The following PCDHGA5 variants were observed in gnomAD, a reference collection of about 807,000 sequenced individuals.
The protein encoded by PCDHGA5 is protocadherin gamma subfamily A, 5.
PCDHGA5 carries 36 observed loss-of-function variants against 56.7 expected under a neutral mutation model. The observed-to-expected ratio is 0.64, with a 90% CI of 0.49 to 0.84. PCDHGA5 has a LOEUF of 0.84. Among genes scored for constraint, PCDHGA5 ranks in the 40% least tolerant of loss-of-function variants. PCDHGA5 has a pLI of 0.00. For missense variants in PCDHGA5, 1,305 were observed against 1,201.5 expected, an observed-to-expected ratio of 1.09 and a Z score of -1.27; for synonymous variants, 563 against 520.2, an observed-to-expected ratio of 1.08 and a Z score of -1.12.
At position 141,364,466 on chromosome 5, in the gene PCDHGA5, G is replaced by C. The variant is rs1391136210; in HGVS notation, c.136G>C (p.Gly46Arg). The change falls in exon 1 of 4, where the codon GGC (glycine) becomes CGC (arginine). Residue 46 changes from glycine (G) to arginine (R), a missense_variant. Transcript: ENST00000518069. ...GGAGCTGGACAAAGGCTCCTTCGTC[G>C]GCAACATAGCCAAGGACCTTGGGCT... ...PEELDKGSFV[G>R]NIAKDLGLEP... 2 of 1,613,872 alleles carry C rather than the reference G, an allele frequency of 1.2e-6. No individual in the cohort carries two copies. Among genetic ancestry groups the C allele is most frequent in the Non-Finnish European group, 8.5e-7 (1 of 1,179,886 alleles).
chr5:141,375,015 A>C, intron 1 of PCDHGA5: 2 of 1,613,916 alleles, frequency 1.2e-6, no homozygotes. Context: ...GACTATGAGG[A>C]CTCGAGTTTT....
Position 141,490,972 on chromosome 5 carries a change from C to G in PCDHGA5, c.2422-3835C>G. 6.2e-7 allele frequency: 1 copy of G among 1,613,912 alleles called. No homozygotes were observed. Among genetic ancestry groups the G allele is most frequent in the Non-Finnish European group, 8.5e-7 (1 of 1,179,922 alleles). Reference sequence around the variant, plus strand: ...AGACTGGGAACACTCAGCCCCCCAGCGTCTCCCTCGCTCTGCTCCTCCTGG... The same window carrying G: ...AGACTGGGAACACTCAGCCCCCCAGGGTCTCCCTCGCTCTGCTCCTCCTGG... On this transcript the variant is annotated intron_variant, in intron 1 of 3. Coordinates refer to ENST00000518069, the MANE Select transcript of PCDHGA5 (RefSeq NM_018918.3). The surrounding 1 kb of genome is among the most constrained non-coding windows in gnomAD (Gnocchi z 5.4).
At chr5:141,375,657 TGA>T in intron 1 of PCDHGA5, 1 of 1,614,192 alleles carries the variant, frequency 6.2e-7, no homozygotes, top group Non-Finnish European at 8.5e-7. Flanking sequence ...TATGAGCAGT[TGA>T]GAGACCTACA....
At chr5:141,394,379 T>C in intron 1 of PCDHGA5, 1 of 1,614,160 alleles carries the variant, frequency 6.2e-7, no homozygotes, top group Non-Finnish European at 8.5e-7. Context: ...CTTTCGACTA[T>C]GAGCAGATCC....
chr5:141,478,164 C>G lies in PCDHGA5; in HGVS notation c.2422-16643C>G, dbSNP rs202185809. On this transcript the variant is annotated intron_variant, in intron 1 of 3. Transcript: ENST00000518069. Reference sequence around the variant, plus strand: ...GCCGAGTTCCCCTCTGGCTCTGCCCCCCGGGAGCAGAAAAAAAATCTCACC... The same window carrying G: ...GCCGAGTTCCCCTCTGGCTCTGCCCGCCGGGAGCAGAAAAAAAATCTCACC... The G allele has an allele frequency of 1.0e-4, 167 of 1,613,890 alleles. No homozygotes were observed. Among genetic ancestry groups the G allele is most frequent in the Non-Finnish European group, 1.3e-4 (157 of 1,180,048 alleles).
intron 1 of PCDHGA5, chr5:141,411,396 C>G (rs985023346): frequency 2.1e-5 from 3 of 145,420 alleles, no homozygotes; most frequent in African/African-American, 5.1e-5. Context: ...ATAGGGAGAC[C>G]CCCCATCTCT....
chr5:141,427,975 C>T lies in PCDHGA5; in HGVS notation c.2421+61224C>T, dbSNP rs757718263. ...AATGTGCCGCGGGTGCTGTACCCCGCGCTGGGGCCCGATGGCTCCGCACTC... is the reference window on the plus strand; with the variant it reads ...AATGTGCCGCGGGTGCTGTACCCCGTGCTGGGGCCCGATGGCTCCGCACTC... On this transcript the variant is annotated intron_variant, in intron 1 of 3. Transcript: ENST00000518069. The T allele has an allele frequency of 1.9e-6, 3 of 1,594,600 alleles. No individual in the cohort carries two copies. In the South Asian group the frequency reaches 3.3e-5, roughly 18 times the overall value.
chr5:141,399,540 C>A (rs775910113), intron 1 of PCDHGA5: 2 of 1,613,934 alleles, frequency 1.2e-6, no homozygotes, highest in Non-Finnish European at 1.7e-6. Context: ...CGCAAGTCTG[C>A]GCCTCGGACC....
Position 141,389,832 on chromosome 5 carries a change from C to T in PCDHGA5, c.2421+23081C>T, listed in dbSNP as rs758113562. ...GGTCGCCGTGCGTGACGGTGGACAG[C>T]CACCACTCTCGGCCACTGCCACGTT... On this transcript the variant is annotated intron_variant, in intron 1 of 3. Coordinates refer to ENST00000518069, the MANE Select transcript of PCDHGA5 (RefSeq NM_018918.3). The T allele has an allele frequency of 2.2e-5, 36 of 1,613,848 alleles. 1 individual carries two copies. The South Asian group carries it at 3.8e-4, about 17-fold the overall frequency.
chr5:141,394,491 C>A lies in PCDHGA5; in HGVS notation c.2421+27740C>A, dbSNP rs1477855534. 4 of 1,614,234 alleles carry A rather than the reference C, an allele frequency of 2.5e-6. No homozygotes were observed. The highest frequency in any genetic ancestry group is 2.5e-6 in the Non-Finnish European group (3 of 1,180,046). On this transcript the variant is annotated intron_variant, in intron 1 of 3. Transcript: ENST00000518069. The stretch of plus-strand genomic sequence containing the variant: ...CGTGCTGGACCAGAATGACAACGCG[C>A]CCGAGATCCTGTACCCCGCCCTCCC...
In PCDHGA5 at chr5:141,384,899, G is replaced by A; in HGVS notation, c.2421+18148G>A. On this transcript the variant is annotated intron_variant, in intron 1 of 3. Transcript: ENST00000518069. ...ACACTCACCGTGGCTGTGGCTGACA[G>A]CATCCCCGAAGTCTTGGCCGACCTG... The A allele has an allele frequency of 1.9e-6, 3 of 1,613,894 alleles. No homozygotes were observed. In the East Asian group the frequency reaches 6.7e-5, roughly 36 times the overall value.
chr5:141,384,296 C>T (rs763513374), intron 1 of PCDHGA5: 5 of 1,613,712 alleles, frequency 3.1e-6, no homozygotes, highest in Middle Eastern at 1.6e-4. Flanking sequence ...GAGAACAACC[C>T]CAGAGGGGCC....
intron 1 of PCDHGA5, chr5:141,422,319 TAC>T: frequency 6.5e-7 from 1 of 1,548,220 alleles, no homozygotes; most frequent in Admixed American, 2.1e-5. Flanking sequence ...CTCCTCCAGG[TAC>T]AGTGATTGCT....
At chr5:141,388,559 T>C in intron 1 of PCDHGA5, 1 of 1,613,890 alleles carries the variant, frequency 6.2e-7, no homozygotes, top group Non-Finnish European at 8.5e-7. Context: ...TAAGCAGCAC[T>C]GCACAGATAC....
intron 1 of PCDHGA5, among the ~76,000 whole-genome samples, chr5:141,387,513 TA>T (rs1226986342): frequency 5.3e-5 from 8 of 152,366 alleles, no homozygotes; most frequent in East Asian, 3.9e-4. Flanking sequence ...TAGACGTCAT[TA>T]AATATACAGA....
intron 1 of PCDHGA5, chr5:141,408,445 C>T (rs759314379): frequency 2.5e-6 from 4 of 1,613,846 alleles, no homozygotes; most frequent in Admixed American, 1.7e-5. Flanking sequence ...ACGCGGAGAG[C>T]GGGGACTTAC....
At chr5:141,503,836 A>G (rs1260399957) in intron 2 of PCDHGA5, among the ~76,000 whole-genome samples, 4 of 152,142 alleles carry the variant, frequency 2.6e-5, no homozygotes, top group Admixed American at 6.5e-5. Flanking sequence ...AAAAGCAGGG[A>G]CAGACCTTGG....
intron 1 of PCDHGA5, chr5:141,421,487 C>A (rs1447180364): frequency 6.2e-7 from 1 of 1,613,976 alleles, no homozygotes; most frequent in East Asian, 2.2e-5. Context: ...AGCTTGATCA[C>A]GGCAGGCAGG....
At chr5:141,407,967 T>C (rs1589649755) in intron 1 of PCDHGA5, 2 of 705,496 alleles carry the variant, frequency 2.8e-6, no homozygotes, top group South Asian at 2.3e-5. Flanking sequence ...GAGCAAGCGC[T>C]GACGCCGGGG....
Sources: allele counts gnomAD v4.1 joint callset (sites outside exome capture counted in the v4.1 genomes callset), GRCh38; gene constraint gnomAD v4.1.1; non-coding constraint Gnocchi (gnomAD v3.1); transcripts MANE v1.5; gene names NCBI Gene and HGNC (gene_info 2026-07-23, HGNC 2026-07-21).